The following CEP250 variants were observed in gnomAD, a reference collection of about 807,000 sequenced individuals.
CEP250 encodes the protein centrosome-associated protein CEP250.
A neutral mutation model predicts 315.7 loss-of-function variants in CEP250; 242 were observed. That is an observed-to-expected ratio of 0.77 (90% CI 0.69 to 0.85). CEP250 has a LOEUF of 0.85. Among genes scored for constraint, CEP250 ranks in the 40% least tolerant of loss-of-function variants. CEP250 has a pLI of 0.00. For missense variants in CEP250, 2,515 were observed against 2,886.4 expected, an observed-to-expected ratio of 0.87 and a Z score of 2.95; for synonymous variants, 1,088 against 1,175.0, an observed-to-expected ratio of 0.93 and a Z score of 1.51.
At chr20:35,458,544 C>T (rs922566146) in intron 2 of CEP250, among the ~76,000 whole-genome samples, 170 bp downstream of exon 2, 2 of 145,848 alleles carry the variant, frequency 1.4e-5, no homozygotes, top group African/African-American at 2.6e-5. Context: ...CACTGACACT[C>T]ATTATCTTAT....
rs747079903 is a variant in CEP250 at position 35,508,941 on chromosome 20, A to G, written c.6907-2A>G. The G allele has an allele frequency of 2.6e-6, 4 of 1,552,048 alleles. No homozygotes were observed. In the East Asian group the frequency reaches 7.3e-5, roughly 28 times the overall value. ...CCTGATTTCTTATTTGCACCTTGGC[A>G]GGTGGAGCGAGAACGGAGGAAGCTG... On this transcript the variant is annotated splice_acceptor_variant, in intron 32 of 34. Transcript: ENST00000397527. LOFTEE classifies it high-confidence loss of function.
Position 35,511,882 on chromosome 20 carries a change from T to G in CEP250, c.*256T>G. ...GGTGCCTTGCCCTGGCTGAGGGACA[T>G]GTACTGCCTCTCATCTAGAATTTAT... On this transcript the variant is annotated 3_prime_UTR_variant, in exon 35 of 35. Coordinates refer to ENST00000397527, the MANE Select transcript of CEP250 (RefSeq NM_007186.6). 1 of 1,298,474 alleles carries G rather than the reference T, an allele frequency of 7.7e-7. No homozygotes were observed. The highest frequency in any genetic ancestry group is 2.6e-5 in the South Asian group (1 of 38,680). The allele number at this position is 1,298,474 out of a possible 1,614,324, so 80.4% of individuals were successfully genotyped here.
chr20:35,482,472 C>G (rs1445628325), intron 20 of CEP250, among the ~76,000 whole-genome samples: 1 of 152,010 alleles, frequency 6.6e-6, no homozygotes, highest in Non-Finnish European at 1.5e-5. Context: ...ATCTCCTGAC[C>G]TCATGATCCA....
At chr20:35,491,111 T>C in intron 21 of CEP250, 101 bp from the exon 22 acceptor site, 1 of 1,416,654 alleles carries the variant, frequency 7.1e-7, no homozygotes. Context: ...CCCTTCCCAT[T>C]TGCTAGGAGA....
chr20:35,490,512 G>A, intron 20 of CEP250, 125 bp from the exon 21 acceptor site: 2 of 754,112 alleles, frequency 2.7e-6, no homozygotes, highest in Non-Finnish European at 4.2e-6. Context: ...TGAGGCAACA[G>A]GCTTAGAGAG....
Position 35,497,883 on chromosome 20 carries a change from C to T in CEP250, c.3471C>T (p.Arg1157=), listed in dbSNP as rs760312345. 6.2e-7 allele frequency: 1 copy of T among 1,604,012 alleles called. No homozygotes were observed. The highest frequency in any genetic ancestry group is 2.2e-5 in the East Asian group (1 of 44,522). ...CAGCCCAACTACAGCTGCGACTGCGCAGCACAGAGAGCCAGCTAGAAGCGC... is the reference window on the plus strand; with the variant it reads ...CAGCCCAACTACAGCTGCGACTGCGTAGCACAGAGAGCCAGCTAGAAGCGC... ...AKAAQLQLRL[R]STESQLEALA... Residue 1157 remains arginine (R), a synonymous_variant, in exon 26 of 35, where the codon CGC becomes CGT. Coordinates refer to ENST00000397527, the MANE Select transcript of CEP250 (RefSeq NM_007186.6).
At chr20:35,482,103 A>AGATAGATT (rs1337192614) in intron 20 of CEP250, among the ~76,000 whole-genome samples, 4 of 144,728 alleles carry the variant, frequency 2.8e-5, no homozygotes, top group Admixed American at 7.0e-5. Context: ...ATAGATAGAT[A>AGATAGATT]GATTCACTAA....
intron 30 of CEP250, 141 bp from the exon 31 acceptor site, chr20:35,507,597 G>A (rs2064223125): frequency 2.9e-6 from 2 of 701,494 alleles, no homozygotes; most frequent in East Asian, 2.8e-5. Flanking sequence ...TGAAGGTTCT[G>A]TACTAGAATG....
rs756960945 is a variant in CEP250 at position 35,469,954 on chromosome 20, A to T, written c.916A>T (p.Ile306Leu). Residue 306 changes from isoleucine (I) to leucine (L), a missense_variant, in exon 10 of 35, where the codon ATA becomes TTA. By Grantham distance (5) the Ile-to-Leu change is conservative. Coordinates refer to ENST00000397527, the MANE Select transcript of CEP250 (RefSeq NM_007186.6). Reference protein sequence around the residue: ...QKQNEDYEKMIKALRETVEIL... With the variant: ...QKQNEDYEKMLKALRETVEIL... ...GCAAAATGAAGATTATGAAAAGATG[A>T]TAAAGGCTCTGAGAGAGACAGTGGA... The T allele has an allele frequency of 1.2e-6, 2 of 1,613,788 alleles. No homozygotes were observed. The highest frequency in any genetic ancestry group is 1.3e-5 in the African/African-American group (1 of 74,890).
At position 35,508,168 on chromosome 20, in the gene CEP250, A is replaced by G; in HGVS notation, c.6884A>G (p.Gln2295Arg). Residue 2295 changes from glutamine (Q) to arginine (R), a missense_variant, in exon 32 of 35, where the codon CAG becomes CGG. Coordinates refer to ENST00000397527, the MANE Select transcript of CEP250 (RefSeq NM_007186.6). Reference protein sequence around the residue: ...DRSRLQRHNVQLRSTLEQVER... With the variant: ...DRSRLQRHNVRLRSTLEQVER... ...AGCAGGCTGCAGCGCCACAATGTCC[A>G]GCTGCGGAGTACCTTGGAGCAGGTG... 6.2e-7 allele frequency: 1 copy of G among 1,614,052 alleles called. No homozygotes were observed. Among genetic ancestry groups the G allele is most frequent in the Non-Finnish European group, 8.5e-7 (1 of 1,179,986 alleles).
Position 35,498,732 on chromosome 20 carries a change from C to T in CEP250, c.3777+16C>T. ...ACAGACCCGGGTATGTTTCTCTGCT[C>T]CCCTTTCCCGAACTCTTTACATCCC... is the stretch of plus-strand genomic sequence containing the variant. On this transcript the variant is annotated intron_variant, in intron 27 of 34. Transcript: ENST00000397527. The T allele has an allele frequency of 1.3e-6, 2 of 1,556,216 alleles. No homozygotes were observed. Among genetic ancestry groups the T allele is most frequent in the Non-Finnish European group, 1.7e-6 (2 of 1,158,284 alleles).
At position 35,493,505 on chromosome 20, in the gene CEP250, A is replaced by G. The variant is rs1180308521; in HGVS notation, c.2966A>G (p.Asp989Gly). ...AAGGAGGCAGCCCGGCAGCACAGAG[A>G]TGACCTTGCTGCCCTCCAAGAAGAG... Reference protein sequence around the residue: ...ELKEAARQHRDDLAALQEESS... With the variant: ...ELKEAARQHRGDLAALQEESS... Residue 989 changes from aspartate to glycine, a missense_variant, in exon 23 of 35, where the codon GAT becomes GGT. Physicochemically the swap from Asp to Gly is moderately conservative, Grantham distance 94 (BLOSUM62 -1). Transcript: ENST00000397527. The G allele has an allele frequency of 7.5e-6, 12 of 1,609,670 alleles. No individual in the cohort carries two copies. Among genetic ancestry groups the G allele is most frequent in the Non-Finnish European group, 1.0e-5 (12 of 1,178,252 alleles).
At position 35,515,922 on chromosome 20, in the gene CEP250, A is replaced by C. The variant is rs139391473; in HGVS notation, c.*4296A>C. The C allele has an allele frequency of 2.6e-5, 4 of 152,364 alleles. No individual in the cohort carries two copies. The East Asian group carries it at 7.7e-4, about 29-fold the overall frequency. 9.4% of individuals were successfully genotyped at this position (152,364 alleles called of 1,614,324 possible). ...TCCCTCTACCCTGCTGGAGGTGAGG[A>C]TGAGAGGTGAGACTTCGTTGGACTG... is the stretch of plus-strand genomic sequence containing the variant. On this transcript the variant is annotated 3_prime_UTR_variant, in exon 35 of 35. Coordinates refer to ENST00000397527, the MANE Select transcript of CEP250 (RefSeq NM_007186.6).
Position 35,504,094 on chromosome 20 carries a change from C to T in CEP250, c.5725C>T (p.Gln1909Ter), listed in dbSNP as rs766398435. 9 of 1,610,330 alleles carry T rather than the reference C, an allele frequency of 5.6e-6. No individual in the cohort carries two copies. Among genetic ancestry groups the T allele is most frequent in the Non-Finnish European group, 7.6e-6 (9 of 1,177,876 alleles). Residue 1909 changes from glutamine to a stop codon, truncating the protein, a stop_gained, in exon 30 of 35, where the codon CAG becomes TAG. Coordinates refer to ENST00000397527, the MANE Select transcript of CEP250 (RefSeq NM_007186.6). LOFTEE classifies it high-confidence loss of function. Reference protein sequence around the residue: ...QEKALLALQQQCAEQAQEHEV... With the variant: ...QEKALLALQQ ...GAAAGCTCTGTTGGCCCTCCAGCAGCAGTGTGCTGAGCAGGCACAGGAGCA... is the reference window on the plus strand; with the variant it reads ...GAAAGCTCTGTTGGCCCTCCAGCAGTAGTGTGCTGAGCAGGCACAGGAGCA...
At chr20:35,502,341 CAGT>C in intron 29 of CEP250, 46 bp from the exon 30 acceptor site, 1 of 1,466,990 alleles carries the variant, frequency 6.8e-7, no homozygotes, top group Non-Finnish European at 9.3e-7. Flanking sequence ...GTTGGGGTGA[CAGT>C]AGCAGGGAAG....
intron 34 of CEP250, among the ~76,000 whole-genome samples, chr20:35,510,947 A>G (rs1212908431): frequency 6.6e-6 from 1 of 152,108 alleles, no homozygotes. Flanking sequence ...AGTAAGCCAA[A>G]ATTGCATCAC....
At chr20:35,458,760 TTC>T (rs1295032538) in intron 2 of CEP250, among the ~76,000 whole-genome samples, 3 of 152,192 alleles carry the variant, frequency 2.0e-5, no homozygotes, top group Non-Finnish European at 2.9e-5. Context: ...GAGATAATTT[TTC>T]TCTGTCTCTT....
rs955976205 is a variant in CEP250 at position 35,511,821 on chromosome 20, T to C, written c.*195T>C. On this transcript the variant is annotated 3_prime_UTR_variant, in exon 35 of 35. Transcript: ENST00000397527. ...CCAACTCACCTGGGAATGAGGCAAA[T>C]TGCATTTGCTTGCTCCCTATGGAAT... The C allele has an allele frequency of 3.6e-6, 5 of 1,406,318 alleles. No individual in the cohort carries two copies. The highest frequency in any genetic ancestry group is 4.6e-6 in the Non-Finnish European group (5 of 1,084,390). 87.1% of individuals were successfully genotyped at this position (1,406,318 alleles called of 1,614,324 possible).
chr20:35,507,711 A>AT (rs757668860), intron 30 of CEP250, 27 bp from the exon 31 acceptor site: 4 of 1,543,292 alleles, frequency 2.6e-6, no homozygotes, highest in African/African-American at 2.7e-5. Context: ...GCAAGGTGTG[A>AT]TTTTGCTCCA....
Sources: gnomAD v4.1 joint callset for allele counts (sites outside exome capture counted in the v4.1 genomes callset) on GRCh38, gnomAD v4.1.1 for gene constraint, MANE v1.5 for transcripts, NCBI Gene and HGNC (gene_info 2026-07-23, HGNC 2026-07-21) for gene names.